DMD: variants seen among roughly 807,000 people sequenced by gnomAD.
The protein encoded by DMD is mutant dystrophin.
Under a neutral mutation model 330.1 loss-of-function variants are expected in DMD, and 63 were observed. The observed-to-expected ratio is 0.19, with a 90% confidence interval of 0.16 to 0.24. The LOEUF is 0.24. Among genes scored for constraint, DMD ranks in the 10% least tolerant of loss-of-function variants. The pLI, the probability that DMD is intolerant of heterozygous loss-of-function variation, is 1.00. For synonymous variants in DMD, 1,223 were observed against 959.8 expected (o/e 1.27, Z -5.07); for missense variants, 3,344 against 2,684.1 (o/e 1.25, Z -5.43).
At chrX:32,889,042 G>A (rs1483783570) in intron 2 of DMD, among the ~76,000 whole-genome samples, 1 of 110,747 alleles carries the variant, frequency 9.0e-6, no homozygotes, top group Non-Finnish European at 1.9e-5. Flanking sequence ...TTCCTGAGAG[G>A]AGGGGATGGT....
chrX:32,597,160 TGTAA>T (rs754377139), intron 12 of DMD, among the ~76,000 whole-genome samples: 51 of 111,973 alleles, frequency 4.6e-4, no homozygotes, highest in Non-Finnish European at 9.0e-4. Flanking sequence ...CAGGACTCAA[TGTAA>T]GTGTCACCTA....
intron 13 of DMD, among the ~76,000 whole-genome samples, chrX:32,592,750 G>C (rs886387686): frequency 8.0e-5 from 9 of 112,370 alleles, no homozygotes; most frequent in Non-Finnish European, 1.1e-4. Context: ...CTTTTGCAGA[G>C]CCCAGACCTT....
chrX:33,023,491 C>T (rs1397736851), intron 1 of DMD, among the ~76,000 whole-genome samples: 3 of 111,486 alleles, frequency 2.7e-5, no homozygotes, highest in African/African-American at 6.5e-5. Flanking sequence ...ATAGGAGTTT[C>T]GTTGCTTTAG....
intron 47 of DMD, among the ~76,000 whole-genome samples, chrX:31,912,300 C>T (rs756379331): frequency 1.5e-3 from 167 of 111,340 alleles, no homozygotes; most frequent in African/African-American, 4.5e-3. Flanking sequence ...TCTGTGACAA[C>T]GCCCGACCGC....
chrX:32,898,027 T>C (rs1399545701), intron 2 of DMD, among the ~76,000 whole-genome samples: 1 of 112,392 alleles, frequency 8.9e-6, no homozygotes, highest in African/African-American at 3.2e-5. Flanking sequence ...CTTTGAAGGA[T>C]AATTGTTAAA....
In DMD at chrX:31,430,793, CTTTTTTTTTTTTTTT is replaced by C. The variant is rs565087970; in HGVS notation, c.9084+13673_9084+13687del. 6.2e-5 allele frequency among the ~76,000 whole-genome samples: 3 copies of C among 48,336 alleles called. No homozygotes were observed. The East Asian group carries it at 2.6e-3, about 42-fold the overall frequency. 42.0% of individuals were successfully genotyped at this position (48,336 alleles called of 115,157 possible). A position where few individuals can be genotyped will look rare whatever the true frequency, so the allele number is the denominator to read the frequency against. On this transcript the variant is annotated intron_variant, in intron 60 of 78. Coordinates refer to ENST00000357033, the MANE Select transcript of DMD (RefSeq NM_004006.3). Reference sequence around the variant, plus strand: ...TGACTTGTTTGAAGCAAGTTAAGGTCTTTTTTTTTTTTTTTTTTTTTTTTTTTTGAGAGGGAGTCT... The same window carrying C: ...TGACTTGTTTGAAGCAAGTTAAGGTCTTTTTTTTTTTTTGAGAGGGAGTCT...
At chrX:32,845,291 G>T (rs1365778095) in intron 3 of DMD, among the ~76,000 whole-genome samples, 2 of 111,890 alleles carry the variant, frequency 1.8e-5, no homozygotes, top group Non-Finnish European at 1.9e-5. Context: ...AACCTTTTCT[G>T]TGAAGATTAC....
rs537483481 is a variant in DMD, at chrX:32,651,741, T to A, written c.961-6589A>T. Among the ~76,000 whole-genome samples, 38 of 111,821 alleles carry A rather than the reference T, an allele frequency of 3.4e-4. No homozygotes were observed. The South Asian group carries it at 9.4e-3, about 28-fold the overall frequency. On this transcript the variant is annotated intron_variant, in intron 9 of 78. Transcript: ENST00000357033. ...CACTGCATGTCTGTATCAAAACATC[T>A]CATGTACCCCATAAATACATACACC...
intron 62 of DMD, among the ~76,000 whole-genome samples, chrX:31,286,161 T>G (rs1288674647): frequency 8.9e-6 from 1 of 112,433 alleles, no homozygotes; most frequent in African/African-American, 3.2e-5. Context: ...AGCCGCTTGC[T>G]ACCAAGTAAT....
At chrX:31,861,532 T>C (rs781666252) in intron 48 of DMD, among the ~76,000 whole-genome samples, 1 of 105,483 alleles carries the variant, frequency 9.5e-6, no homozygotes, top group East Asian at 3.0e-4. Flanking sequence ...CTAATTGGAG[T>C]GCTGCTTAAG....
rs181297051 is a variant in DMD, at chrX:31,496,640, G to T, written c.8547+148C>A. 763 of 647,427 alleles carry T rather than the reference G, an allele frequency of 1.2e-3. 4 individuals are homozygous for T. The highest frequency in any genetic ancestry group is 2.0e-3 in the Admixed American group (63 of 31,847). 53.4% of individuals were successfully genotyped at this position (647,427 alleles called of 1,213,427 possible). ...ATGTGTTTGACATTTACAGTGTAATGGCTTAGATTATTTATAATTGACCCT... is the reference window on the plus strand; with the variant it reads ...ATGTGTTTGACATTTACAGTGTAATTGCTTAGATTATTTATAATTGACCCT... On this transcript the variant is annotated intron_variant, in intron 57 of 78. Coordinates refer to ENST00000357033, the MANE Select transcript of DMD (RefSeq NM_004006.3).
chrX:33,045,312 G>A (rs1189177370), intron 1 of DMD, among the ~76,000 whole-genome samples: 2 of 23,445 alleles, frequency 8.5e-5, no homozygotes, highest in Non-Finnish European at 1.9e-4. Flanking sequence ...ACACACAGGT[G>A]CGTACACACA....
intron 1 of DMD, among the ~76,000 whole-genome samples, chrX:33,107,322 C>A (rs5972754): frequency 0.028 from 2,244 of 79,331 alleles, 92 homozygotes; most frequent in Middle Eastern, 0.12. Flanking sequence ...CCCCCCCCCC[C>A]CCAACACACA....
Position 32,239,975 on chromosome X carries a change from GTTTCA to G in DMD, c.6291-22917_6291-22913del, listed in dbSNP as rs769276869. 2.4e-3 allele frequency among the ~76,000 whole-genome samples: 267 copies of G among 111,078 alleles called. 1 individual carries two copies. Among genetic ancestry groups the G allele is most frequent in the Non-Finnish European group, 3.4e-3 (180 of 52,886 alleles). On this transcript the variant is annotated intron_variant, in intron 43 of 78. Coordinates refer to ENST00000357033, the MANE Select transcript of DMD (RefSeq NM_004006.3). ...TGTCTCTCTTTCTGCAGAGATTTCT[GTTTCA>G]TTTATGTGGCTATTGTTTTTTTCCC... is the stretch of plus-strand genomic sequence containing the variant.
At chrX:31,909,989 T>C (rs2149861278) in intron 47 of DMD, among the ~76,000 whole-genome samples, 1 of 112,392 alleles carries the variant, frequency 8.9e-6, no homozygotes, top group South Asian at 3.6e-4. Flanking sequence ...TGTTTACTAT[T>C]TTGAGAGAAG....
chrX:33,145,767 T>A (rs1165379354), intron 1 of DMD, among the ~76,000 whole-genome samples: 1 of 110,817 alleles, frequency 9.0e-6, no homozygotes, highest in Admixed American at 9.7e-5. Context: ...TTTTATTTTT[T>A]AAAATCATTT....
At chrX:32,182,103 G>C (rs2096929103) in intron 44 of DMD, among the ~76,000 whole-genome samples, 1 of 111,889 alleles carries the variant, frequency 8.9e-6, no homozygotes, top group Non-Finnish European at 1.9e-5. Flanking sequence ...ATATGAAGTG[G>C]TGGTTTGGCT....
intron 29 of DMD, among the ~76,000 whole-genome samples, chrX:32,435,911 A>C (rs1439474760): frequency 8.9e-6 from 1 of 111,747 alleles, no homozygotes; most frequent in Non-Finnish European, 1.9e-5. Flanking sequence ...TCATTTCCTC[A>C]AGTTTAGTAG....
intron 44 of DMD, among the ~76,000 whole-genome samples, chrX:32,086,025 T>C (rs1312983717): frequency 8.9e-6 from 1 of 112,275 alleles, no homozygotes; most frequent in Non-Finnish European, 1.9e-5. Flanking sequence ...GTTTAATAAC[T>C]ACACACAAGA....
Sources: gnomAD v4.1 joint callset for allele counts (sites outside exome capture counted in the v4.1 genomes callset) on GRCh38, gnomAD v4.1.1 for gene constraint, MANE v1.5 for transcripts, NCBI Gene and HGNC (gene_info 2026-07-23, HGNC 2026-07-21) for gene names.